The following EPS15 variants were observed in gnomAD, a reference collection of about 807,000 sequenced individuals.
EPS15 encodes the protein epidermal growth factor receptor substrate 15.
Under a neutral mutation model 113.8 loss-of-function variants are expected in EPS15, and 72 were observed. The observed-to-expected ratio is 0.63, with a 90% CI of 0.52 to 0.77. EPS15 has a LOEUF of 0.77. Ranked by LOEUF, EPS15 falls within the 30% of genes least tolerant of loss-of-function variation. EPS15 has a pLI of 0.00. For synonymous variants in EPS15, 344 were observed against 363.4 expected, an observed-to-expected ratio of 0.95 and a Z score of 0.61; for missense variants, 1,048 against 1,045.8, an observed-to-expected ratio of 1.00 and a Z score of -0.03.
At chr1:51,442,386 A>T (rs867884729) in intron 11 of EPS15, among the ~76,000 whole-genome samples, 1 of 152,172 alleles carries the variant, frequency 6.6e-6, no homozygotes, top group Non-Finnish European at 1.5e-5. Context: ...AACTCAAAAA[A>T]AGGTGACTCA....
chr1:51,483,414 T>TGTGTGC (rs1557513389), intron 1 of EPS15, among the ~76,000 whole-genome samples: 1 of 148,424 alleles, frequency 6.7e-6, no homozygotes, highest in Non-Finnish European at 1.5e-5. Context: ...TGTGTGTGTG[T>TGTGTGC]GTGTGTGTGT....
intron 24 of EPS15, among the ~76,000 whole-genome samples, chr1:51,357,826 G>A (rs1245569342): frequency 1.3e-5 from 2 of 148,308 alleles, no homozygotes; most frequent in African/African-American, 2.5e-5. Flanking sequence ...CACAACCTCC[G>A]CCTCCCGGGT....
intron 21 of EPS15, 133 bp from the exon 22 acceptor site, chr1:51,366,162 G>C: frequency 3.4e-6 from 2 of 583,434 alleles, no homozygotes; most frequent in Admixed American, 3.2e-5. Flanking sequence ...CAATCTCCCA[G>C]GCTCAAGTGA....
At chr1:51,403,351 G>A (rs1217628711) in intron 17 of EPS15, 68 bp downstream of exon 17, 4 of 812,442 alleles carry the variant, frequency 4.9e-6, no homozygotes, top group Non-Finnish European at 6.2e-6. Flanking sequence ...AGTAATGTCT[G>A]ATAATTCACC....
intron 13 of EPS15, among the ~76,000 whole-genome samples, chr1:51,410,121 C>T (rs920246279): frequency 2.0e-5 from 3 of 151,208 alleles, no homozygotes; most frequent in Non-Finnish European, 4.4e-5. Context: ...CCCAGCTACT[C>T]GGGAGGCTAA....
Position 51,365,980 on chromosome 1 carries a change from T to C in EPS15, c.2169A>G (p.Gly723=), listed in dbSNP as rs1646498799. The C allele has an allele frequency of 6.2e-7, 1 of 1,612,728 alleles. No homozygotes were observed. Among genetic ancestry groups the C allele is most frequent in the African/African-American group, 1.3e-5 (1 of 74,814 alleles). The change falls in exon 22 of 25, where the codon GGA becomes GGG. Residue 723 remains glycine, a synonymous_variant. Transcript: ENST00000371733. ...SVFGNESFGG[G]FADFSTLSKV... is the part of the protein sequence containing the mutation. ...TTGACAATGTGCTGAAGTCAGCAAA[T>C]CCACCTCCAAATGATTCATTCCCAA...
At chr1:51,387,553 G>C (rs545938736) in intron 21 of EPS15, among the ~76,000 whole-genome samples, 1 of 152,270 alleles carries the variant, frequency 6.6e-6, no homozygotes, top group African/African-American at 2.4e-5. Context: ...AGACCCATTA[G>C]TGTGCTGTAT....
intron 15 of EPS15, among the ~76,000 whole-genome samples, chr1:51,407,734 G>A (rs994428176): frequency 6.6e-6 from 1 of 152,206 alleles, no homozygotes; most frequent in African/African-American, 2.4e-5. Flanking sequence ...GAGCATTTAT[G>A]TACCAAGCAC....
At chr1:51,407,495 C>T (rs528005954) in intron 15 of EPS15, among the ~76,000 whole-genome samples, 5 of 152,120 alleles carry the variant, frequency 3.3e-5, no homozygotes, top group Admixed American at 1.3e-4. Flanking sequence ...ACCACCATGC[C>T]GAGCCCTAAC....
chr1:51,432,652 A>C (rs1302666715), intron 12 of EPS15, among the ~76,000 whole-genome samples: 1 of 152,134 alleles, frequency 6.6e-6, no homozygotes, highest in Non-Finnish European at 1.5e-5. Context: ...CTTAAATTGG[A>C]CTAGCCATAT....
At chr1:51,396,066 T>C (rs561988295) in intron 20 of EPS15, among the ~76,000 whole-genome samples, 2 of 152,290 alleles carry the variant, frequency 1.3e-5, no homozygotes, top group East Asian at 1.9e-4. Flanking sequence ...TTAATACTAA[T>C]GAAGTTTTTA....
chr1:51,518,821 C>T (rs1362270864), intron 1 of EPS15, among the ~76,000 whole-genome samples: 1 of 151,796 alleles, frequency 6.6e-6, no homozygotes, highest in Non-Finnish European at 1.5e-5. Context: ...AGGAGCTCAC[C>T]TGGGATGCGT....
chr1:51,371,266 A>C (rs1646643240), intron 21 of EPS15, among the ~76,000 whole-genome samples: 1 of 152,132 alleles, frequency 6.6e-6, no homozygotes, highest in Non-Finnish European at 1.5e-5. Flanking sequence ...AAGTTAATTG[A>C]AAAAGAGCCT....
intron 3 of EPS15, 69 bp from the exon 4 acceptor site, chr1:51,471,806 C>A: frequency 2.6e-6 from 3 of 1,140,388 alleles, no homozygotes; most frequent in South Asian, 2.5e-5. Flanking sequence ...TAAATTAAAT[C>A]TCTGCTATTT....
At chr1:51,412,244 A>T (rs1649791915) in intron 13 of EPS15, among the ~76,000 whole-genome samples, 1 of 152,180 alleles carries the variant, frequency 6.6e-6, no homozygotes, top group South Asian at 2.1e-4. Flanking sequence ...GCATTAGGAC[A>T]AATACCTAAT....
At chr1:51,380,729 T>A (rs914885049) in intron 21 of EPS15, among the ~76,000 whole-genome samples, 6 of 151,814 alleles carry the variant, frequency 4.0e-5, no homozygotes, top group Non-Finnish European at 1.5e-5. Flanking sequence ...TGGATTAAAC[T>A]CTCTAATGAA....
chr1:51,364,996 A>G (rs1557768731), intron 22 of EPS15, among the ~76,000 whole-genome samples: 1 of 149,072 alleles, frequency 6.7e-6, no homozygotes, highest in Non-Finnish European at 1.5e-5. Flanking sequence ...TGCCTGACCA[A>G]TTTTTTGTGT....
At chr1:51,427,392 G>A (rs1374458009) in intron 12 of EPS15, among the ~76,000 whole-genome samples, 1 of 152,194 alleles carries the variant, frequency 6.6e-6, no homozygotes. Context: ...TAAAACCAGT[G>A]AGATAGGCAC....
chr1:51,462,791 G>A (rs1373362385), intron 7 of EPS15, among the ~76,000 whole-genome samples: 2 of 150,904 alleles, frequency 1.3e-5, no homozygotes, highest in Non-Finnish European at 2.9e-5. Context: ...CTTAAAATTG[G>A]TTAAGATGTT....
Sources: gnomAD v4.1 joint callset for allele counts (sites outside exome capture counted in the v4.1 genomes callset) on GRCh38, gnomAD v4.1.1 for gene constraint, MANE v1.5 for transcripts, NCBI Gene and HGNC (gene_info 2026-07-23, HGNC 2026-07-21) for gene names.